TRPA1: variants seen among roughly 807,000 people sequenced by gnomAD.
The protein encoded by TRPA1 is transient receptor potential cation channel subfamily A member 1, also known as ankyrin-like with transmembrane domains 1.
Under a neutral mutation model 131.3 loss-of-function variants are expected in TRPA1, and 129 were observed. That is an observed-to-expected ratio of 0.98 (90% CI 0.85 to 1.14). TRPA1 has a LOEUF of 1.14. Among genes scored for constraint, TRPA1 ranks in the 50% most tolerant of loss-of-function variants. The probability of loss-of-function intolerance (pLI) is 0.00; values close to 1 mark genes in which losing one functional copy is unlikely to be tolerated. For missense variants in TRPA1, 1,304 were observed against 1,354.2 expected (o/e 0.96, Z 0.58); for synonymous variants, 441 against 451.7 (o/e 0.98, Z 0.30).
rs548090792 is a variant in TRPA1 at position 72,059,077 on chromosome 8, C to T, written c.993+313G>A. On this transcript the variant is annotated intron_variant, in intron 8 of 26. Transcript: ENST00000262209. ...GAAGAAGGGGCACCGCCCAAGCTCA[C>T]ACTCCCGGAAGACCCTCTTACAGGC... Among the ~76,000 whole-genome samples, 3 of 152,346 alleles carry T rather than the reference C, an allele frequency of 2.0e-5. No homozygotes were observed. The South Asian group carries it at 6.2e-4, about 32-fold the overall frequency.
chr8:72,039,089 C>A, intron 18 of TRPA1, 62 bp from the exon 19 acceptor site: 1 of 1,557,260 alleles, frequency 6.4e-7, no homozygotes, highest in Admixed American at 1.7e-5. Flanking sequence ...ACTTAAGATA[C>A]CTGGGGAAAA....
At chr8:72,030,096 A>G (rs1040720307) in intron 23 of TRPA1, 127 bp from the exon 24 acceptor site, 1 of 884,486 alleles carries the variant, frequency 1.1e-6, no homozygotes, top group African/African-American at 1.7e-5. Context: ...TATAAATAGC[A>G]TAAGTTAATT....
At chr8:72,032,593 C>T (rs1441254838) in intron 23 of TRPA1, among the ~76,000 whole-genome samples, 1 of 152,182 alleles carries the variant, frequency 6.6e-6, no homozygotes, top group South Asian at 2.1e-4. Context: ...ACAGCGGGCG[C>T]TGGATGTTTG....
chr8:72,049,999 G>T (rs1451808166), intron 15 of TRPA1, among the ~76,000 whole-genome samples: 9 of 151,930 alleles, frequency 5.9e-5, no homozygotes, highest in Non-Finnish European at 1.3e-4. Context: ...ACAACGTGCA[G>T]GTTTGTTACA....
At chr8:72,052,445 A>C in intron 14 of TRPA1, 154 bp downstream of exon 14, 1 of 859,362 alleles carries the variant, frequency 1.2e-6, no homozygotes, top group Non-Finnish European at 1.7e-6. Flanking sequence ...AAAAATAAAA[A>C]ATAAAAAACC....
intron 15 of TRPA1, 139 bp from the exon 16 acceptor site, chr8:72,047,346 T>G: frequency 2.9e-6 from 2 of 684,874 alleles, no homozygotes; most frequent in South Asian, 3.5e-5. Flanking sequence ...TAAATTATAA[T>G]CTATGTCATT....
At chr8:72,083,203 C>A in the TRPA1 span, among the ~76,000 whole-genome samples, 367 of 152,196 alleles carry the variant, frequency 2.4e-3, 1 homozygote, top group African/African-American at 8.0e-3. Context: ...ATTTTCCTTT[C>A]ATTCTTTGAA....
chr8:72,072,164 G>T (rs543549223), intron 1 of TRPA1, among the ~76,000 whole-genome samples: 71 of 152,196 alleles, frequency 4.7e-4, no homozygotes, highest in African/African-American at 1.6e-3. Flanking sequence ...TTCCCCAAAT[G>T]ATTCAGATAC....
At chr8:72,068,943 G>A in intron 3 of TRPA1, 80 bp downstream of exon 3, 1 of 1,467,866 alleles carries the variant, frequency 6.8e-7, no homozygotes, top group Non-Finnish European at 9.5e-7. Flanking sequence ...GCTCATCCTG[G>A]TGCAAGCAGA....
intron 3 of TRPA1, among the ~76,000 whole-genome samples, chr8:72,066,910 A>G (rs1287359623): frequency 6.6e-6 from 1 of 152,218 alleles, no homozygotes; most frequent in Non-Finnish European, 1.5e-5. Context: ...AGCCCTCCAC[A>G]GGTCCCTTGG....
intron 6 of TRPA1, chr8:72,062,363 A>C (rs1475973159): frequency 1.6e-5 from 3 of 182,966 alleles, no homozygotes; most frequent in African/African-American, 2.4e-5. Flanking sequence ...TGCCTGCCAT[A>C]AGGTCAGATC....
chr8:72,040,585 A>T (rs1411674160), intron 17 of TRPA1, among the ~76,000 whole-genome samples: 1 of 152,140 alleles, frequency 6.6e-6, no homozygotes, highest in African/African-American at 2.4e-5. Flanking sequence ...AGAGTGGAAC[A>T]TATCCACTAA....
Position 72,038,786 on chromosome 8 carries a change from T to C in TRPA1, c.2295+79A>G, listed in dbSNP as rs1041906111. 19 of 1,250,496 alleles carry C rather than the reference T, an allele frequency of 1.5e-5. No individual in the cohort carries two copies. In the Admixed American group the frequency reaches 4.0e-4, roughly 27 times the overall value. 77.5% of individuals were successfully genotyped at this position (1,250,496 alleles called of 1,614,324 possible). ...ATAATAAAGTCCTGATATGTCAGAT[T>C]TATTATGGGTTTAGTAGTCTTAAGA... On this transcript the variant is annotated intron_variant, in intron 19 of 26. Transcript: ENST00000262209.
chr8:72,087,135 G>A, the TRPA1 span, among the ~76,000 whole-genome samples: 5,830 of 152,228 alleles, frequency 0.038, 377 homozygotes, highest in African/African-American at 0.13. Flanking sequence ...TATGGTGACT[G>A]AATTTTCTAC....
rs959976 is a variant in TRPA1, at chr8:72,023,910, T to C, written c.3053A>G (p.His1018Arg). ...AGTGCAAAATAAAAAACAGAATATATGCTGTCGGATAAAAAATAGTAGTTA... is the reference window on the plus strand; with the variant it reads ...AGTGCAAAATAAAAAACAGAATATACGCTGTCGGATAAAAAATAGTAGTTA... ...NKPRSGGMLF[H>R]IFCFLFCTGE... Residue 1018 changes from histidine (H) to arginine (R), a missense_variant and splice_region_variant, in exon 26 of 27, where the codon CAT becomes CGT. By Grantham distance (29) the His-to-Arg change is conservative. Coordinates refer to ENST00000262209, the MANE Select transcript of TRPA1 (RefSeq NM_007332.3). 0.17 allele frequency: 262,338 copies of C among 1,557,990 alleles called. 24,907 individuals are homozygous for C. Among genetic ancestry groups the C allele is most frequent in the East Asian group, 0.37 (16,583 of 44,284 alleles).
At chr8:72,041,387 C>T (rs1305151332) in intron 17 of TRPA1, 1 of 151,984 alleles carries the variant, frequency 6.6e-6, no homozygotes, top group Non-Finnish European at 1.5e-5. Context: ...CAGAACAGTT[C>T]ACCCTATGAT....
chr8:72,065,619 T>G, intron 3 of TRPA1, 61 bp from the exon 4 acceptor site: 2 of 1,227,414 alleles, frequency 1.6e-6, no homozygotes, highest in Non-Finnish European at 2.4e-6. Flanking sequence ...GGTACTTGCC[T>G]TCCACTAGAG....
rs953547985 is a variant in TRPA1, at chr8:72,037,982, C to A, written c.2385+1G>T. 1.3e-6 allele frequency: 2 copies of A among 1,570,282 alleles called. No individual in the cohort carries two copies. Among genetic ancestry groups the A allele is most frequent in the Admixed American group, 1.7e-5 (1 of 59,664 alleles). On this transcript the variant is annotated splice_donor_variant, in intron 20 of 26. Transcript: ENST00000262209. LOFTEE classifies it high-confidence loss of function. ...TTAGAGATACAAAATGTATTACATACCTGTTGGAAAATTTGCCCCGCTTCT... is the reference window on the plus strand; with the variant it reads ...TTAGAGATACAAAATGTATTACATAACTGTTGGAAAATTTGCCCCGCTTCT...
intron 6 of TRPA1, 129 bp from the exon 7 acceptor site, chr8:72,061,890 A>G: frequency 1.0e-6 from 1 of 974,006 alleles, no homozygotes; most frequent in South Asian, 1.4e-5. Flanking sequence ...GATCACCATT[A>G]ATCATCTGAA....
Sources: allele counts gnomAD v4.1 joint callset (sites outside exome capture counted in the v4.1 genomes callset), GRCh38; gene constraint gnomAD v4.1.1; transcripts MANE v1.5; gene names NCBI Gene and HGNC (gene_info 2026-07-23, HGNC 2026-07-21).